The following KIF26B variants were observed in gnomAD, a reference collection of about 807,000 sequenced individuals.
The protein encoded by KIF26B is kinesin-like protein KIF26B.
In KIF26B, 63 loss-of-function variants were observed where a neutral mutation model predicts 151.2. That is an observed-to-expected ratio of 0.42 (90% CI 0.34 to 0.51). The LOEUF (loss-of-function observed/expected upper bound fraction) is 0.51, where lower values mean the gene tolerates loss of function less well. Ranked by LOEUF, KIF26B falls within the 20% of genes least tolerant of loss-of-function variation. The pLI is 0.07. For missense variants in KIF26B, 2,813 were observed against 2,913.6 expected (o/e 0.97, Z 0.79); for synonymous variants, 1,357 against 1,262.1 (o/e 1.08, Z -1.59).
chr1:245,417,031 G>A (rs940837463), intron 3 of KIF26B, among the ~76,000 whole-genome samples: 2 of 152,128 alleles, frequency 1.3e-5, no homozygotes, highest in African/African-American at 4.8e-5. Context: ...GAGGGAGGGA[G>A]TGTGATGGAA....
intron 2 of KIF26B, among the ~76,000 whole-genome samples, chr1:245,282,161 C>T (rs1307740527): frequency 6.6e-6 from 1 of 151,926 alleles, no homozygotes; most frequent in African/African-American, 2.4e-5. Flanking sequence ...TGAAAATGGC[C>T]ATACTGCCCA....
At chr1:245,160,293 C>T (rs539280056) in intron 2 of KIF26B, among the ~76,000 whole-genome samples, 10 of 152,208 alleles carry the variant, frequency 6.6e-5, no homozygotes, top group Non-Finnish European at 1.2e-4. Context: ...TGGAAGTGGT[C>T]GGATAAAAGA....
intron 2 of KIF26B, among the ~76,000 whole-genome samples, chr1:245,336,723 AAT>A (rs558814303): frequency 6.4e-4 from 97 of 152,292 alleles, no homozygotes; most frequent in South Asian, 2.9e-3. Flanking sequence ...TCCTCACCTG[AAT>A]ACATCTGATA....
intron 4 of KIF26B, among the ~76,000 whole-genome samples, chr1:245,462,873 AAT>A (rs1345215559): frequency 1.3e-5 from 2 of 152,012 alleles, no homozygotes; most frequent in Admixed American, 6.6e-5. Context: ...TGAATGAATG[AAT>A]GAATGAATAA....
intron 2 of KIF26B, among the ~76,000 whole-genome samples, chr1:245,274,398 C>A (rs113776052): frequency 6.6e-6 from 1 of 151,972 alleles, no homozygotes; most frequent in African/African-American, 2.4e-5. Flanking sequence ...CAACAGGCCC[C>A]GGTGTGTGAT....
intron 4 of KIF26B, among the ~76,000 whole-genome samples, chr1:245,489,158 A>C (rs935641341): frequency 2.6e-5 from 4 of 152,244 alleles, no homozygotes; most frequent in Non-Finnish European, 4.4e-5. Flanking sequence ...ACTGATCATT[A>C]TAAATGCGCT....
intron 3 of KIF26B, among the ~76,000 whole-genome samples, chr1:245,394,681 T>TTTG (rs1673781815): frequency 1.5e-5 from 2 of 129,446 alleles, no homozygotes; most frequent in African/African-American, 8.6e-5. Flanking sequence ...TTCAAGTTTT[T>TTTG]TTCTTTCTTT....
intron 9 of KIF26B, among the ~76,000 whole-genome samples, chr1:245,645,130 C>T (rs1371496421): frequency 2.0e-5 from 3 of 152,094 alleles, no homozygotes; most frequent in Non-Finnish European, 1.5e-5. Context: ...GGATCCACCC[C>T]CAAGACCCAA....
intron 4 of KIF26B, among the ~76,000 whole-genome samples, chr1:245,445,988 C>G (rs1163812122): frequency 6.6e-6 from 1 of 152,214 alleles, no homozygotes; most frequent in Non-Finnish European, 1.5e-5. Flanking sequence ...CTTTTTCTCA[C>G]ATAAAGATAC....
At chr1:245,327,092 G>A (rs184237833) in intron 2 of KIF26B, among the ~76,000 whole-genome samples, 50 of 152,260 alleles carry the variant, frequency 3.3e-4, no homozygotes, top group Non-Finnish European at 4.4e-5. Context: ...TACAATCTGG[G>A]GGACCTTCTT....
In KIF26B at chr1:245,601,039, T is replaced by C. The variant is rs74154472; in HGVS notation, c.1351-1538T>C. On this transcript the variant is annotated intron_variant, in intron 5 of 14. Coordinates refer to ENST00000407071, the MANE Select transcript of KIF26B (RefSeq NM_018012.4). The surrounding 1 kb of genome is among the most constrained non-coding windows in gnomAD (Gnocchi z 4.4). ...ACAGGCATACCTACACCCTGGAGCA[T>C]TGGGAGGATTAAATGAGATCGTGTA... Among the ~76,000 whole-genome samples, 4,382 of 152,232 alleles carry C rather than the reference T, an allele frequency of 0.029. 233 individuals carry two copies. Among genetic ancestry groups the C allele is most frequent in the African/African-American group, 0.1 (4,158 of 41,524 alleles).
chr1:245,375,087 A>G lies in KIF26B; in HGVS notation c.999+7720A>G, dbSNP rs1247785546. 6.6e-6 allele frequency among the ~76,000 whole-genome samples: 1 copy of G among 151,974 alleles called. No individual in the cohort carries two copies. Among genetic ancestry groups the G allele is most frequent in the Non-Finnish European group, 1.5e-5 (1 of 67,998 alleles). On this transcript the variant is annotated intron_variant, in intron 3 of 14. Coordinates refer to ENST00000407071, the MANE Select transcript of KIF26B (RefSeq NM_018012.4). The surrounding 1 kb of genome is among the most constrained non-coding windows in gnomAD (Gnocchi z 4.2). ...TTGAGATGGGGGATCATTTAATTTAATTTTATTATTATTTTTTGAGACGGC... is the reference window on the plus strand; with the variant it reads ...TTGAGATGGGGGATCATTTAATTTAGTTTTATTATTATTTTTTGAGACGGC...
chr1:245,197,825 C>T (rs1018271533), intron 2 of KIF26B, among the ~76,000 whole-genome samples: 1 of 152,146 alleles, frequency 6.6e-6, no homozygotes, highest in Non-Finnish European at 1.5e-5. Flanking sequence ...GACAACTAGG[C>T]ACAGTTTCAC....
intron 14 of KIF26B, among the ~76,000 whole-genome samples, chr1:245,701,173 AAATG>A (rs1490986588): frequency 6.6e-6 from 1 of 152,228 alleles, no homozygotes; most frequent in African/African-American, 2.4e-5. Flanking sequence ...CTGAGAAAGA[AAATG>A]AACAGAAAGC....
At chr1:245,202,700 C>T (rs1470421902) in intron 2 of KIF26B, among the ~76,000 whole-genome samples, 2 of 144,734 alleles carry the variant, frequency 1.4e-5, no homozygotes, top group Admixed American at 7.2e-5. Context: ...GCGGAGCTTG[C>T]AGTGAGCTGA....
At chr1:245,340,358 A>G (rs78396717) in intron 2 of KIF26B, among the ~76,000 whole-genome samples, 1 of 11,236 alleles carries the variant, frequency 8.9e-5, no homozygotes, top group East Asian at 2.0e-3. Flanking sequence ...AATGACAAGG[A>G]AAAAAACTCT....
chr1:245,303,425 C>G (rs1489756912), intron 2 of KIF26B, among the ~76,000 whole-genome samples: 10 of 151,746 alleles, frequency 6.6e-5, no homozygotes, highest in South Asian at 2.1e-4. Context: ...GTCTCGATCT[C>G]CTGACCTCGT....
chr1:245,483,090 C>G (rs1439189886), intron 4 of KIF26B, among the ~76,000 whole-genome samples: 1 of 151,734 alleles, frequency 6.6e-6, no homozygotes, highest in Non-Finnish European at 1.5e-5. Context: ...CCGGACAAAG[C>G]TCTGGGTCGT....
chr1:245,418,813 T>C (rs987308193), intron 3 of KIF26B, among the ~76,000 whole-genome samples: 11 of 152,206 alleles, frequency 7.2e-5, no homozygotes, highest in African/African-American at 2.7e-4. Flanking sequence ...AAAAGTGTAT[T>C]TCTACACAAC....
Sources: gnomAD v4.1 joint callset for allele counts (sites outside exome capture counted in the v4.1 genomes callset) on GRCh38, gnomAD v4.1.1 for gene constraint, Gnocchi (gnomAD v3.1) non-coding constraint, MANE v1.5 for transcripts, NCBI Gene and HGNC (gene_info 2026-07-23, HGNC 2026-07-21) for gene names.